The following BICD2 variants were observed in gnomAD, a reference collection of about 807,000 sequenced individuals.
BICD2 encodes the protein BICD cargo adaptor 2.
A neutral mutation model predicts 72.9 loss-of-function variants in BICD2; 25 were observed. The ratio of observed to expected loss-of-function variants is 0.34; its 90% CI spans 0.25 to 0.48. The LOEUF is 0.48. Among genes scored for constraint, BICD2 ranks in the 20% least tolerant of loss-of-function variants. BICD2 has a pLI of 0.99. For missense variants in BICD2, 894 were observed against 1,175.2 expected (o/e 0.76, Z 3.50); for synonymous variants, 501 against 516.1 (o/e 0.97, Z 0.40).
rs1853275123 is a variant in BICD2 at position 92,715,112 on chromosome 9, G to A, written c.*42C>T. ...TCCCGCTGCTGCTGGGTTAGTTGAG[G>A]TGAAGCAGATGTTAGCTGCAGCGTG... On this transcript the variant is annotated 3_prime_UTR_variant, in exon 7 of 7. Coordinates refer to ENST00000356884, the MANE Select transcript of BICD2 (RefSeq NM_001003800.2). 6.5e-7 allele frequency: 1 copy of A among 1,533,892 alleles called. No individual in the cohort carries two copies. The highest frequency in any genetic ancestry group is 1.9e-5 in the Admixed American group (1 of 51,494).
In BICD2 at chr9:92,750,238, C is replaced by G. The variant is rs536002086; in HGVS notation, c.240+14267G>C. On this transcript the variant is annotated intron_variant, in intron 1 of 6. Coordinates refer to ENST00000356884, the MANE Select transcript of BICD2 (RefSeq NM_001003800.2). ...AAATGGTATTCGCATTTGGAAGAGT[C>G]TGGCAGTTTCTCACAAAGCTAAATA... Among the ~76,000 whole-genome samples the G allele has an allele frequency of 2.0e-5, 3 of 152,354 alleles. No homozygotes were observed. The South Asian group carries it at 6.2e-4, about 32-fold the overall frequency.
intron 6 of BICD2, among the ~76,000 whole-genome samples, chr9:92,717,255 C>G (rs1019498082): frequency 1.3e-5 from 2 of 152,252 alleles, no homozygotes; most frequent in Non-Finnish European, 2.9e-5. Context: ...CTATGCAACT[C>G]TGGCCCATCC....
At chr9:92,738,823 G>C (rs529299528) in intron 1 of BICD2, among the ~76,000 whole-genome samples, 1 of 152,362 alleles carries the variant, frequency 6.6e-6, no homozygotes, top group South Asian at 2.1e-4. Context: ...CAAGCCAGGA[G>C]AGCCAGCCGC....
intron 1 of BICD2, among the ~76,000 whole-genome samples, chr9:92,754,124 G>A (rs574374750): frequency 9.2e-5 from 13 of 141,432 alleles, no homozygotes; most frequent in African/African-American, 3.6e-4. Context: ...CAGCCTGGGC[G>A]AGAGAGCAAG....
chr9:92,738,002 C>T (rs545700213), intron 1 of BICD2, among the ~76,000 whole-genome samples: 5 of 152,358 alleles, frequency 3.3e-5, no homozygotes, highest in African/African-American at 9.6e-5. Context: ...CCTGCTTCGC[C>T]GAGGTGCCCC....
chr9:92,751,997 G>A (rs1258096967), intron 1 of BICD2, among the ~76,000 whole-genome samples: 1 of 151,756 alleles, frequency 6.6e-6, no homozygotes, highest in African/African-American at 2.4e-5. Context: ...TAGAGACGAG[G>A]TTTCCCCATG....
At chr9:92,757,158 C>CA (rs1854276349) in intron 1 of BICD2, among the ~76,000 whole-genome samples, 1 of 151,796 alleles carries the variant, frequency 6.6e-6, no homozygotes, top group Admixed American at 6.6e-5. Flanking sequence ...TACTAAAATA[C>CA]AAAAAATTAG....
intron 1 of BICD2, among the ~76,000 whole-genome samples, chr9:92,759,665 C>T (rs1362541744): frequency 2.6e-5 from 4 of 152,250 alleles, no homozygotes; most frequent in Non-Finnish European, 5.9e-5. Flanking sequence ...CACTGGACAA[C>T]ACAGGGTCTA....
intron 1 of BICD2, among the ~76,000 whole-genome samples, chr9:92,734,773 C>T (rs1853745035): frequency 1.3e-5 from 2 of 152,114 alleles, no homozygotes; most frequent in African/African-American, 4.8e-5. Flanking sequence ...AGGCTGGTGC[C>T]CTGCAGGGTA....
intron 6 of BICD2, among the ~76,000 whole-genome samples, 177 bp from the exon 7 acceptor site, chr9:92,715,640 G>C (rs1465024283): frequency 6.6e-6 from 1 of 152,208 alleles, no homozygotes; most frequent in Non-Finnish European, 1.5e-5. Flanking sequence ...TTTTAGCACA[G>C]GCTTTGCTTG....
chr9:92,725,270 C>A (rs1334667871), intron 2 of BICD2, among the ~76,000 whole-genome samples: 1 of 152,234 alleles, frequency 6.6e-6, no homozygotes, highest in Non-Finnish European at 1.5e-5. Context: ...CCTTGCACCA[C>A]TGCCAAACCC....
chr9:92,758,905 T>C (rs1460562403), intron 1 of BICD2, among the ~76,000 whole-genome samples: 1 of 150,860 alleles, frequency 6.6e-6, no homozygotes, highest in Non-Finnish European at 1.5e-5. Context: ...ACATCTCTAA[T>C]CCCAACACTT....
chr9:92,764,534 T>G lies in BICD2; in HGVS notation c.211A>C (p.Ile71Leu). Residue 71 changes from isoleucine to leucine, a missense_variant, in exon 1 of 7, where the codon ATC (isoleucine) becomes CTC (leucine). By Grantham distance (5) the Ile-to-Leu change is conservative (BLOSUM62 2). This residue lies in a region of BICD2 where 192 missense variants were observed against 243.6 expected (regional missense o/e 0.79). Coordinates refer to ENST00000356884, the MANE Select transcript of BICD2 (RefSeq NM_001003800.2). This position sits in a 1 kb window ranked among gnomAD's most constrained non-coding sequence, Gnocchi z 5.5. ...TTGAGCTGCTCCATCTCGCTGCGGA[T>G]AGCCTCATAGTCCACCTCGAGCTCC... ...FEELEVDYEA[I>L]RSEMEQLKEA... The G allele has an allele frequency of 6.5e-7, 1 of 1,539,154 alleles. No individual in the cohort carries two copies. The highest frequency in any genetic ancestry group is 8.8e-7 in the Non-Finnish European group (1 of 1,142,412).
intron 1 of BICD2, among the ~76,000 whole-genome samples, chr9:92,745,912 C>A (rs1237497208): frequency 6.6e-6 from 1 of 152,234 alleles, no homozygotes; most frequent in Non-Finnish European, 1.5e-5. Context: ...CTCAAAATCA[C>A]CTGGAGAACT....
chr9:92,757,840 C>T (rs1854292454), intron 1 of BICD2, among the ~76,000 whole-genome samples: 1 of 152,234 alleles, frequency 6.6e-6, no homozygotes, highest in South Asian at 2.1e-4. Flanking sequence ...CAGGAGCATA[C>T]ATGGACTCAC....
At chr9:92,750,599 T>C (rs1344407253) in intron 1 of BICD2, among the ~76,000 whole-genome samples, 2 of 152,114 alleles carry the variant, frequency 1.3e-5, no homozygotes, top group Non-Finnish European at 1.5e-5. Context: ...ACCGTAATGA[T>C]GGTAAAAAGA....
At chr9:92,715,717 TGA>T (rs1383605313) in intron 6 of BICD2, among the ~76,000 whole-genome samples, 1 of 152,118 alleles carries the variant, frequency 6.6e-6, no homozygotes, top group Non-Finnish European at 1.5e-5. Context: ...GAGGCTGGCT[TGA>T]GTTTTGTGGT....
Position 92,718,960 on chromosome 9 carries a change from C to CCCTG in BICD2, c.1681_1684dup (p.Gly562AlafsTer34). The CCCTG allele has an allele frequency of 6.2e-7, 1 of 1,610,166 alleles. No homozygotes were observed. Among genetic ancestry groups the CCCTG allele is most frequent in the East Asian group, 2.2e-5 (1 of 44,866 alleles). ...CCCGGGACTGGTGCGGCCGGCCCCGCCCTGGCCCTCGCGGTAGTAGTCCAG... is the reference window on the plus strand; with the variant it reads ...CCCGGGACTGGTGCGGCCGGCCCCGCCCTGCCTGGCCCTCGCGGTAGTAGTCCAG... On this transcript the variant is annotated frameshift_variant, in exon 5 of 7. Transcript: ENST00000356884. LOFTEE classifies it high-confidence loss of function.
intron 5 of BICD2, 134 bp downstream of exon 5, chr9:92,718,405 A>T: frequency 2.8e-6 from 3 of 1,081,082 alleles, no homozygotes; most frequent in Non-Finnish European, 3.9e-6. Context: ...CAGTCGAGCT[A>T]CTATGGGGCT....
Sources: allele counts gnomAD v4.1 joint callset (sites outside exome capture counted in the v4.1 genomes callset), GRCh38; gene constraint gnomAD v4.1.1; regional missense constraint gnomAD v4.1.1; non-coding constraint Gnocchi (gnomAD v3.1); transcripts MANE v1.5; gene names NCBI Gene and HGNC (gene_info 2026-07-23, HGNC 2026-07-21).